The following IQSEC1 variants were observed in gnomAD, a reference collection of about 807,000 sequenced individuals.
IQSEC1 encodes IQ motif and SEC7 domain-containing protein 1.
Under a neutral mutation model 91.0 loss-of-function variants are expected in IQSEC1, and 31 were observed. That is an observed-to-expected ratio of 0.34 (90% CI 0.26 to 0.46). The LOEUF is 0.46. IQSEC1 is among the 20% of genes least tolerant of loss of function. The pLI is 1.00. For missense variants in IQSEC1, 1,388 were observed against 1,575.6 expected (o/e 0.88, Z 2.02); for synonymous variants, 699 against 662.6 (o/e 1.05, Z -0.84).
intron 1 of IQSEC1, among the ~76,000 whole-genome samples, chr3:13,051,460 CTG>C (rs929095129): frequency 6.6e-5 from 10 of 152,270 alleles, no homozygotes; most frequent in African/African-American, 2.4e-4. Context: ...TGGGCTGTGA[CTG>C]TGACTGGCAG....
rs764990961 is a variant in IQSEC1 at position 12,900,819 on chromosome 3, A to G, written c.*164T>C. 1.1e-5 allele frequency: 17 copies of G among 1,488,914 alleles called. No homozygotes were observed. The highest frequency in any genetic ancestry group is 1.5e-5 in the Non-Finnish European group (17 of 1,124,972). The allele number at this position is 1,488,914 out of a possible 1,614,324, so 92.2% of individuals were successfully genotyped here. A position where few individuals can be genotyped will look rare whatever the true frequency, so the allele number is the denominator to read the frequency against. On this transcript the variant is annotated 3_prime_UTR_variant, in exon 14 of 14. Transcript: ENST00000613206. ...GAAATCTGGGCCTTTGTTCCACACA[A>G]CACCAGCCCTGTGGGCTCCTGGGGC...
chr3:12,902,949 C>T (rs954593210), intron 12 of IQSEC1, 127 bp from the exon 13 acceptor site: 10 of 743,720 alleles, frequency 1.3e-5, no homozygotes, highest in Non-Finnish European at 2.2e-5. Context: ...GCCGGGCCCA[C>T]CTGCCCGCAG....
intron 1 of IQSEC1, among the ~76,000 whole-genome samples, chr3:13,171,408 T>A (rs60623312): frequency 1.3e-5 from 2 of 151,964 alleles, no homozygotes; most frequent in African/African-American, 4.8e-5. Context: ...TCTCAGAATG[T>A]GCATGTAATT....
chr3:13,158,775 A>T (rs567742330), intron 2 of IQSEC1, among the ~76,000 whole-genome samples: 49 of 152,268 alleles, frequency 3.2e-4, no homozygotes, highest in African/African-American at 1.1e-3. Context: ...CAGCCTGGGC[A>T]TCATGACAAA....
chr3:12,924,788 C>T lies in IQSEC1; in HGVS notation c.1569-46G>A, dbSNP rs1696967658. ...CACTCAGTCCCAGCTGCCCGGCCAC[C>T]AGCCAGGCACCTGGAGGGGATCTCC... On this transcript the variant is annotated intron_variant, in intron 3 of 13. Transcript: ENST00000613206. The surrounding 1 kb of genome is among the most constrained non-coding windows in gnomAD (Gnocchi z 6.3). The T allele has an allele frequency of 1.3e-6, 2 of 1,500,388 alleles. No homozygotes were observed. Among genetic ancestry groups the T allele is most frequent in the African/African-American group, 2.8e-5 (2 of 71,408 alleles). 92.9% of individuals were successfully genotyped at this position (1,500,388 alleles called of 1,614,324 possible). A position where few individuals can be genotyped will look rare whatever the true frequency, so the allele number is the denominator to read the frequency against.
chr3:13,017,705 AG>A (rs1245811213), intron 1 of IQSEC1, among the ~76,000 whole-genome samples: 9 of 151,992 alleles, frequency 5.9e-5, no homozygotes, highest in Non-Finnish European at 1.0e-4. Context: ...ATGCAGGGAG[AG>A]GGGGCGGCAG....
intron 1 of IQSEC1, among the ~76,000 whole-genome samples, chr3:13,186,041 C>A (rs59323244): frequency 0.17 from 25,685 of 152,210 alleles, 2,327 homozygotes; most frequent in East Asian, 0.37. Flanking sequence ...ACACACTCAG[C>A]AGGATTTAAG....
intron 1 of IQSEC1, among the ~76,000 whole-genome samples, chr3:13,058,150 G>A (rs930292754): frequency 6.6e-6 from 1 of 152,172 alleles, no homozygotes; most frequent in African/African-American, 2.4e-5. Context: ...GCAGGTGCCT[G>A]TAATCCCAGC....
chr3:13,185,360 C>G (rs1693913153), intron 1 of IQSEC1, among the ~76,000 whole-genome samples: 1 of 152,186 alleles, frequency 6.6e-6, no homozygotes, highest in Non-Finnish European at 1.5e-5. Flanking sequence ...TCACACCTGT[C>G]CTATTGCCCC....
intron 1 of IQSEC1, among the ~76,000 whole-genome samples, chr3:12,990,432 TCA>T (rs1701934076): frequency 1.3e-5 from 2 of 152,196 alleles, no homozygotes; most frequent in South Asian, 4.1e-4. Flanking sequence ...CACTCTGCCC[TCA>T]GGGAGTTCAC....
chr3:13,143,130 G>A (rs1159234083), intron 2 of IQSEC1, among the ~76,000 whole-genome samples: 1 of 152,232 alleles, frequency 6.6e-6, no homozygotes, highest in African/African-American at 2.4e-5. Context: ...CCTCTAGAGT[G>A]TCAGCTCCTG....
At chr3:12,961,912 C>T (rs1413087512) in intron 1 of IQSEC1, among the ~76,000 whole-genome samples, 1 of 152,226 alleles carries the variant, frequency 6.6e-6, no homozygotes, top group African/African-American at 2.4e-5. Flanking sequence ...CAATGAGGAG[C>T]AGAGCTGGCT....
At chr3:13,260,790 G>C (rs911326217) in intron 1 of IQSEC1, among the ~76,000 whole-genome samples, 32 of 152,234 alleles carry the variant, frequency 2.1e-4, no homozygotes, top group Non-Finnish European at 1.0e-4. Flanking sequence ...AAGCCACATT[G>C]TCCTGGGGCC....
At chr3:13,240,409 C>T (rs764721115) in intron 1 of IQSEC1, among the ~76,000 whole-genome samples, 2 of 152,034 alleles carry the variant, frequency 1.3e-5, no homozygotes, top group Non-Finnish European at 2.9e-5. Flanking sequence ...AAACCCTGAG[C>T]CATTGTTTGA....
rs527983103 is a variant in IQSEC1, at chr3:13,022,009, G to A, written c.23+50983C>T. ...GCCCAACAGTCGACAGCCAGGCAGA[G>A]CAGCCATGCACGCGTCCCGGTACCT... On this transcript the variant is annotated intron_variant, in intron 1 of 13. Coordinates refer to ENST00000613206, the MANE Select transcript of IQSEC1 (RefSeq NM_001134382.3). 6.5e-6 allele frequency: 8 copies of A among 1,223,938 alleles called. No homozygotes were observed. In the South Asian group the frequency reaches 2.1e-4, roughly 32 times the overall value. The allele number at this position is 1,223,938 out of a possible 1,614,324, so 75.8% of individuals were successfully genotyped here.
intron 1 of IQSEC1, among the ~76,000 whole-genome samples, chr3:13,247,286 G>T (rs1341286598): frequency 6.6e-6 from 1 of 152,166 alleles, no homozygotes; most frequent in Non-Finnish European, 1.5e-5. Context: ...GACGTGCTGG[G>T]ATTTCTCTGC....
At chr3:13,074,314 G>T (rs1705527225), upstream of IQSEC1, among the ~76,000 whole-genome samples, 1 of 149,336 alleles carries the variant, frequency 6.7e-6, no homozygotes, top group Non-Finnish European at 1.5e-5. Context: ...AGGCAGCCTG[G>T]TGTATTTGAC....
chr3:12,917,390 C>T (rs1696200758), intron 6 of IQSEC1, among the ~76,000 whole-genome samples: 1 of 152,210 alleles, frequency 6.6e-6, no homozygotes, highest in Admixed American at 6.5e-5. Context: ...CCTCTGAGCT[C>T]CGCATACCCA....
chr3:13,067,271 G>A (rs360869), intron 1 of IQSEC1, among the ~76,000 whole-genome samples: 99,226 of 152,112 alleles, frequency 0.65, 32,688 homozygotes, highest in East Asian at 0.86. Flanking sequence ...AAGGGCAGAC[G>A]GGGGCTGTGT....
Sources: gnomAD v4.1 joint callset for allele counts (sites outside exome capture counted in the v4.1 genomes callset) on GRCh38, gnomAD v4.1.1 for gene constraint, Gnocchi (gnomAD v3.1) non-coding constraint, MANE v1.5 for transcripts, NCBI Gene and HGNC (gene_info 2026-07-23, HGNC 2026-07-21) for gene names.